Variants in IKZF2 observed in about 807,000 individuals in gnomAD.
IKZF2 encodes the protein zinc finger protein Helios.
In IKZF2, 15 loss-of-function variants were observed where a neutral mutation model predicts 49.2. The observed-to-expected ratio is 0.30, with a 90% CI of 0.20 to 0.47. IKZF2 has a LOEUF of 0.47. Among genes scored for constraint, IKZF2 ranks in the 20% least tolerant of loss-of-function variants. The probability of loss-of-function intolerance (pLI) is 1.00; values close to 1 mark genes in which losing one functional copy is unlikely to be tolerated. For missense variants in IKZF2, 567 were observed against 664.6 expected, an observed-to-expected ratio of 0.85 and a Z score of 1.61; for synonymous variants, 227 against 221.4, an observed-to-expected ratio of 1.03 and a Z score of -0.23.
At chr2:213,042,727 T>A (rs1255452135) in intron 6 of IKZF2, among the ~76,000 whole-genome samples, 1 of 152,118 alleles carries the variant, frequency 6.6e-6, no homozygotes, top group African/African-American at 2.4e-5. Flanking sequence ...ATCTTTAAGT[T>A]CTTAAAGACA....
chr2:213,100,657 G>C (rs752844139), intron 4 of IKZF2, among the ~76,000 whole-genome samples: 1 of 151,874 alleles, frequency 6.6e-6, no homozygotes, highest in African/African-American at 2.4e-5. Context: ...CAACCAATAA[G>C]AGTAACCTTA....
intron 4 of IKZF2, among the ~76,000 whole-genome samples, chr2:213,144,775 A>G (rs1246104344): frequency 1.3e-5 from 2 of 151,978 alleles, no homozygotes; most frequent in African/African-American, 4.8e-5. Flanking sequence ...TCCAGAAGAA[A>G]AAGTTTAAAG....
chr2:213,056,574 C>T lies in IKZF2; in HGVS notation c.406+259G>A, dbSNP rs1574656104. On this transcript the variant is annotated intron_variant, in intron 5 of 8. Coordinates refer to ENST00000434687, the MANE Select transcript of IKZF2 (RefSeq NM_001387220.1). ...ATGAAATTCTCCTATACCTTTTGAA[C>T]CCTTATCATATTATTGCTATATTAA... is the stretch of plus-strand genomic sequence containing the variant. 8.7e-6 allele frequency: 5 copies of T among 577,118 alleles called. No homozygotes were observed. In the East Asian group the frequency reaches 1.3e-4, roughly 15 times the overall value. 35.7% of individuals were successfully genotyped at this position (577,118 alleles called of 1,614,324 possible).
chr2:213,011,476 A>G (rs547754548), intron 8 of IKZF2, among the ~76,000 whole-genome samples: 13 of 152,140 alleles, frequency 8.5e-5, no homozygotes, highest in Admixed American at 2.6e-4. Flanking sequence ...AAAGAGGGAT[A>G]GTTGTTTCAT....
intron 4 of IKZF2, among the ~76,000 whole-genome samples, chr2:213,115,255 T>G (rs1054404787): frequency 4.1e-5 from 6 of 147,138 alleles, no homozygotes; most frequent in African/African-American, 1.5e-4. Flanking sequence ...TGTCTTACAA[T>G]GTCTTAAATA....
At chr2:213,118,427 T>A (rs1057101218) in intron 4 of IKZF2, among the ~76,000 whole-genome samples, 1 of 152,200 alleles carries the variant, frequency 6.6e-6, no homozygotes, top group Non-Finnish European at 1.5e-5. Context: ...CGAGTATATG[T>A]TATGTGGTAT....
intron 4 of IKZF2, among the ~76,000 whole-genome samples, chr2:213,085,741 C>T (rs1489848679): frequency 6.6e-6 from 1 of 152,202 alleles, no homozygotes; most frequent in East Asian, 1.9e-4. Context: ...CCAGACAATG[C>T]ATGCACTCTA....
chr2:213,083,874 G>A (rs968063766), intron 4 of IKZF2, among the ~76,000 whole-genome samples: 7 of 151,416 alleles, frequency 4.6e-5, no homozygotes, highest in African/African-American at 1.5e-4. Context: ...ACATTATGAT[G>A]AGTTATAGAA....
chr2:213,046,264 T>C (rs1364446125), intron 6 of IKZF2, among the ~76,000 whole-genome samples: 3 of 152,148 alleles, frequency 2.0e-5, no homozygotes, highest in Non-Finnish European at 2.9e-5. Flanking sequence ...CTTGGTATAT[T>C]TTCCTTCCCT....
intron 4 of IKZF2, among the ~76,000 whole-genome samples, chr2:213,077,832 C>CCCT (rs1349464656): frequency 1.3e-5 from 2 of 152,182 alleles, no homozygotes; most frequent in East Asian, 3.9e-4. Context: ...TCGTGATCCA[C>CCCT]CCTCCTCGGC....
chr2:213,083,568 T>C (rs1487097945), intron 4 of IKZF2, among the ~76,000 whole-genome samples: 1 of 144,050 alleles, frequency 6.9e-6, no homozygotes, highest in East Asian at 2.0e-4. Context: ...TTTTTTTTTT[T>C]TTTTTGTATT....
chr2:213,122,694 C>G lies in IKZF2; in HGVS notation c.139+25014G>C, dbSNP rs548589843. 2.0e-5 allele frequency among the ~76,000 whole-genome samples: 3 copies of G among 152,232 alleles called. No homozygotes were observed. The East Asian group carries it at 5.8e-4, about 29-fold the overall frequency. On this transcript the variant is annotated intron_variant, in intron 4 of 8. Coordinates refer to ENST00000434687, the MANE Select transcript of IKZF2 (RefSeq NM_001387220.1). ...GCTAACATAGCTCTTAAATTTATAT[C>G]CAATCATTTCTCAGCCAGTGATTCT...
intron 5 of IKZF2, among the ~76,000 whole-genome samples, chr2:213,053,294 A>G (rs1438971939): frequency 6.6e-6 from 1 of 151,962 alleles, no homozygotes; most frequent in Non-Finnish European, 1.5e-5. Flanking sequence ...TTTTGTTTTT[A>G]TTTTTAAATA....
intron 7 of IKZF2, among the ~76,000 whole-genome samples, chr2:213,018,107 T>G (rs1023194435): frequency 1.3e-5 from 2 of 152,162 alleles, no homozygotes; most frequent in African/African-American, 4.8e-5. Flanking sequence ...TGCACTTTCA[T>G]TTTTGTCTTT....
At chr2:213,037,521 G>A (rs1699148883) in intron 6 of IKZF2, among the ~76,000 whole-genome samples, 1 of 152,196 alleles carries the variant, frequency 6.6e-6, no homozygotes, top group African/African-American at 2.4e-5. Flanking sequence ...CAAATGGGCT[G>A]TCTTACAGCC....
chr2:213,084,715 AAATATT>A (rs1313746993), intron 4 of IKZF2, among the ~76,000 whole-genome samples: 5 of 152,158 alleles, frequency 3.3e-5, no homozygotes, highest in African/African-American at 1.2e-4. Flanking sequence ...ACACATGAAA[AAATATT>A]ATCATGCCTT....
At chr2:213,063,457 C>G (rs1701886562) in intron 4 of IKZF2, among the ~76,000 whole-genome samples, 1 of 151,700 alleles carries the variant, frequency 6.6e-6, no homozygotes, top group South Asian at 2.1e-4. Flanking sequence ...GCCACTAGTA[C>G]CATCTAAAAT....
At position 213,151,612 on chromosome 2, in the gene IKZF2, C is replaced by T. The variant is rs190701247; in HGVS notation, c.-319G>A. 6.6e-6 allele frequency: 1 copy of T among 152,270 alleles called. No homozygotes were observed. The highest frequency in any genetic ancestry group is 1.5e-5 in the Non-Finnish European group (1 of 67,872). The allele number at this position is 152,270 out of a possible 1,614,324, so 9.4% of individuals were successfully genotyped here. On this transcript the variant is annotated 5_prime_UTR_variant, in exon 1 of 9. Transcript: ENST00000434687. ...CATCTTCAGCGAGGAGCAGGGTTAG[C>T]CCGGGACAGCTGGTCAAACCCCGAG...
Position 213,106,689 on chromosome 2 carries a change from T to C in IKZF2, c.139+41019A>G, listed in dbSNP as rs191019838. On this transcript the variant is annotated intron_variant, in intron 4 of 8. Transcript: ENST00000434687. ...GAAAAGAAAAGAAGAAAAAAAATGT[T>C]TTTTAAGTAGGTTTTCCATTTCTGA... is the stretch of plus-strand genomic sequence containing the variant. 1.8e-3 allele frequency among the ~76,000 whole-genome samples: 274 copies of C among 151,824 alleles called. 1 individual carries two copies. Among genetic ancestry groups the C allele is most frequent in the African/African-American group, 6.4e-3 (265 of 41,470 alleles).
Sources: gnomAD v4.1 joint callset for allele counts (sites outside exome capture counted in the v4.1 genomes callset) on GRCh38, gnomAD v4.1.1 for gene constraint, MANE v1.5 for transcripts, NCBI Gene and HGNC (gene_info 2026-07-23, HGNC 2026-07-21) for gene names.